Variants in CSN2 observed in about 807,000 individuals in gnomAD.
CSN2 encodes beta-casein.
CSN2 carries 27 observed loss-of-function variants against 27.3 expected under a neutral mutation model. That is an observed-to-expected ratio of 0.99 (90% CI 0.73 to 1.36). The LOEUF (loss-of-function observed/expected upper bound fraction) is 1.36, where lower values mean the gene tolerates loss of function less well. Ranked by LOEUF, CSN2 falls within the 40% of genes most tolerant of loss-of-function variation. CSN2 has a pLI of 0.00. For missense variants in CSN2, 333 were observed against 264.5 expected (o/e 1.26, Z -1.80); for synonymous variants, 131 against 94.8 (o/e 1.38, Z -2.22).
chr4:69,960,050 T>C lies in CSN2; in HGVS notation c.78+3A>G. ...TCTAAAATTGGGTAGAATGTTAACT[T>C]ACCTCACTGCTTGAAAGGCTTTCTA... On this transcript the variant is annotated splice_donor_region_variant and intron_variant, in intron 3 of 7. Transcript: ENST00000353151. 1.2e-6 allele frequency: 2 copies of C among 1,611,564 alleles called. No homozygotes were observed. Among genetic ancestry groups the C allele is most frequent in the Non-Finnish European group, 8.5e-7 (1 of 1,178,464 alleles).
chr4:69,960,077 G>T lies in CSN2; in HGVS notation c.54C>A (p.Thr18=). The T allele has an allele frequency of 1.2e-6, 2 of 1,610,626 alleles. No individual in the cohort carries two copies. The highest frequency in any genetic ancestry group is 1.7e-6 in the Non-Finnish European group (2 of 1,178,076). The stretch of plus-strand genomic sequence containing the variant: ...CCTCACTGCTTGAAAGGCTTTCTAT[G>T]GTCTGTGGGAAAAAAAAATTGACAA... ...CLVALALARE[T]IESLSSSEES... is the part of the protein sequence containing the mutation. Residue 18 remains threonine, a splice_region_variant and synonymous_variant, in exon 3 of 8, where the codon ACC becomes ACA. Coordinates refer to ENST00000353151, the MANE Select transcript of CSN2 (RefSeq NM_001891.4).
Position 69,957,602 on chromosome 4 carries a change from G to A in CSN2, c.347C>T (p.Pro116Leu), listed in dbSNP as rs201164541. ...DTVYTKGRVMPVLKSPTIPFF... is the reference protein window; with the variant it reads ...DTVYTKGRVMLVLKSPTIPFF... ...GGGTATCGTTGGAGATTTAAGGACA[G>A]GCATCACTCTGCCCTTAGTGTAGAC... Residue 116 changes from proline (P) to leucine (L), a missense_variant, in exon 6 of 8, where the codon CCT becomes CTT. Transcript: ENST00000353151. The A allele has an allele frequency of 1.6e-4, 258 of 1,613,982 alleles. No homozygotes were observed. The East Asian group carries it at 5.5e-3, about 34-fold the overall frequency.
intron 6 of CSN2, 147 bp from the exon 7 acceptor site, chr4:69,956,502 T>G (rs989004502): frequency 7.5e-6 from 4 of 529,982 alleles, no homozygotes; most frequent in Non-Finnish European, 1.1e-5. Context: ...AAGGCTTGTG[T>G]AAAATAAATA....
chr4:69,960,901 C>T (rs1723553183), intron 2 of CSN2, 44 bp downstream of exon 2: 1 of 1,478,434 alleles, frequency 6.8e-7, no homozygotes, highest in Admixed American at 1.7e-5. Flanking sequence ...AGCATATAGT[C>T]CACTATTTAT....
chr4:69,959,161 A>G, intron 3 of CSN2, 92 bp from the exon 4 acceptor site: 2 of 911,264 alleles, frequency 2.2e-6, no homozygotes. Context: ...ATTCTTTGAT[A>G]ATATCATTAA....
At chr4:69,960,169 A>C (rs1471467711) in intron 2 of CSN2, 90 bp from the exon 3 acceptor site, 1 of 1,230,568 alleles carries the variant, frequency 8.1e-7, no homozygotes, top group Non-Finnish European at 1.2e-6. Context: ...TCTCTAAAAA[A>C]ATAATCTCAC....
At chr4:69,957,110 A>G (rs1723422234) in intron 6 of CSN2, among the ~76,000 whole-genome samples, 164 bp downstream of exon 6, 1 of 152,172 alleles carries the variant, frequency 6.6e-6, no homozygotes, top group Non-Finnish European at 1.5e-5. Context: ...ATATGTAACT[A>G]ACCTGCATGT....
rs767421388 is a variant in CSN2 at position 69,957,621 on chromosome 4, T to G, written c.328A>C (p.Thr110Pro). 11 of 1,613,920 alleles carry G rather than the reference T, an allele frequency of 6.8e-6. No homozygotes were observed. The highest frequency in any genetic ancestry group is 1.7e-5 in the Admixed American group (1 of 59,916). ...AGGACAGGCATCACTCTGCCCTTAG[T>G]GTAGACAGTGTCTTTAGCTTTAGGG... ...EVPKAKDTVY[T>P]KGRVMPVLKS... Residue 110 changes from threonine (T) to proline (P), a missense_variant, in exon 6 of 8, where the codon ACT becomes CCT. By Grantham distance (38) the Thr-to-Pro change is conservative (BLOSUM62 -1). Transcript: ENST00000353151.
In CSN2 at chr4:69,964,876, A is replaced by G. The variant is rs373769295; in HGVS notation, c.-13+805T>C. Among the ~76,000 whole-genome samples the G allele has an allele frequency of 8.6e-5, 13 of 150,786 alleles. No homozygotes were observed. In the South Asian group the frequency reaches 2.5e-3, roughly 29 times the overall value. ...GTTTTTATACTCATTTCTATACTAT[A>G]AATATACTACATACTGGTATACTTT... is the stretch of plus-strand genomic sequence containing the variant. On this transcript the variant is annotated intron_variant, in intron 1 of 7. Transcript: ENST00000353151.
intron 2 of CSN2, among the ~76,000 whole-genome samples, chr4:69,960,385 T>C (rs1418369490): frequency 6.6e-6 from 1 of 151,578 alleles, no homozygotes; most frequent in African/African-American, 2.4e-5. Flanking sequence ...TATTTAGTAA[T>C]CTATTAATAT....
chr4:69,959,265 T>C (rs1181326045), intron 3 of CSN2, among the ~76,000 whole-genome samples, 196 bp from the exon 4 acceptor site: 1 of 151,036 alleles, frequency 6.6e-6, no homozygotes, highest in Non-Finnish European at 1.5e-5. Flanking sequence ...AAGAAGGACA[T>C]GGTACAAAAA....
intron 5 of CSN2, among the ~76,000 whole-genome samples, 172 bp from the exon 6 acceptor site, chr4:69,957,976 A>G (rs1723460515): frequency 6.6e-6 from 1 of 152,126 alleles, no homozygotes; most frequent in African/African-American, 2.4e-5. Flanking sequence ...AAATGAGTAA[A>G]CTGTTTGTTG....
chr4:69,957,253 A>G, intron 6 of CSN2, 21 bp downstream of exon 6: 1 of 1,511,918 alleles, frequency 6.6e-7, no homozygotes, highest in Non-Finnish European at 8.9e-7. Flanking sequence ...GAAACAGCAA[A>G]GCCAGTAAAT....
intron 5 of CSN2, 57 bp from the exon 6 acceptor site, chr4:69,957,861 T>C (rs1398807327): frequency 1.4e-6 from 2 of 1,389,858 alleles, no homozygotes; most frequent in Non-Finnish European, 2.0e-6. Context: ...TTGCCATTCA[T>C]AATGAATTCA....
Position 69,956,341 on chromosome 4 carries a change from G to A in CSN2, c.*9C>T. ...AAAATAAGGAGGGAAAATTAACTTTGAAATCTTCTTAGACCTTAAAAATAA... is the reference window on the plus strand; with the variant it reads ...AAAATAAGGAGGGAAAATTAACTTTAAAATCTTCTTAGACCTTAAAAATAA... On this transcript the variant is annotated 3_prime_UTR_variant, in exon 7 of 8. Coordinates refer to ENST00000353151, the MANE Select transcript of CSN2 (RefSeq NM_001891.4). 7.1e-7 allele frequency: 1 copy of A among 1,412,580 alleles called. No individual in the cohort carries two copies. Among genetic ancestry groups the A allele is most frequent in the South Asian group, 1.6e-5 (1 of 61,834 alleles). 87.5% of individuals were successfully genotyped at this position (1,412,580 alleles called of 1,614,324 possible). A position where few individuals can be genotyped will look rare whatever the true frequency, so the allele number is the denominator to read the frequency against.
Position 69,958,942 on chromosome 4 carries a change from C to T in CSN2, c.111G>A (p.Glu37=). The T allele has an allele frequency of 6.3e-7, 1 of 1,598,530 alleles. No homozygotes were observed. The highest frequency in any genetic ancestry group is 8.6e-7 in the Non-Finnish European group (1 of 1,169,404). ...GCTGCTGGTCCTCATGTTTAACCTTCTCAACTTTCTGCTAAAGATATATCA... is the reference window on the plus strand; with the variant it reads ...GCTGCTGGTCCTCATGTTTAACCTTTTCAACTTTCTGCTAAAGATATATCA... ...ESITEYKQKV[E]KVKHEDQQQG... The change falls in exon 5 of 8, where the codon GAG becomes GAA. Residue 37 remains glutamate (E), a synonymous_variant. Transcript: ENST00000353151.
chr4:69,963,548 G>T (rs185507695), intron 1 of CSN2, among the ~76,000 whole-genome samples: 113 of 152,012 alleles, frequency 7.4e-4, no homozygotes, highest in Middle Eastern at 6.8e-3. Context: ...GGGAACACAC[G>T]GACACAGGAA....
intron 3 of CSN2, among the ~76,000 whole-genome samples, chr4:69,959,293 C>G (rs1042625687): frequency 6.6e-6 from 1 of 151,974 alleles, no homozygotes; most frequent in South Asian, 2.1e-4. Context: ...TTAATAGATG[C>G]TAATTTCTCT....
At chr4:69,957,998 T>C (rs1342999834) in intron 5 of CSN2, among the ~76,000 whole-genome samples, 194 bp from the exon 6 acceptor site, 1 of 152,178 alleles carries the variant, frequency 6.6e-6, no homozygotes, top group African/African-American at 2.4e-5. Flanking sequence ...AAAATTTTAA[T>C]CCACTCACTT....
Sources: gnomAD v4.1 joint callset for allele counts (sites outside exome capture counted in the v4.1 genomes callset) on GRCh38, gnomAD v4.1.1 for gene constraint, MANE v1.5 for transcripts, NCBI Gene and HGNC (gene_info 2026-07-23, HGNC 2026-07-21) for gene names.